The following KIAA1217 variants were observed in gnomAD, a reference collection of about 807,000 sequenced individuals.
KIAA1217 encodes the protein sickle tail protein homolog.
A neutral mutation model predicts 163.9 loss-of-function variants in KIAA1217; 88 were observed. That is an observed-to-expected ratio of 0.54 (90% CI 0.45 to 0.64). KIAA1217 has a LOEUF of 0.64. Ranked by LOEUF, KIAA1217 falls within the 30% of genes least tolerant of loss-of-function variation. The pLI is 0.00. For synonymous variants in KIAA1217, 903 were observed against 923.1 expected, an observed-to-expected ratio of 0.98 and a Z score of 0.39; for missense variants, 2,372 against 2,475.0, an observed-to-expected ratio of 0.96 and a Z score of 0.88.
chr10:23,841,876 A>C (rs902165876), intron 1 of KIAA1217, among the ~76,000 whole-genome samples: 3 of 129,040 alleles, frequency 2.3e-5, no homozygotes, highest in Non-Finnish European at 5.0e-5. Context: ...ATTTTATTTT[A>C]TTTTATTTTG....
At chr10:23,807,865 A>T (rs1056537004) in intron 1 of KIAA1217, among the ~76,000 whole-genome samples, 1 of 152,170 alleles carries the variant, frequency 6.6e-6, no homozygotes, top group East Asian at 1.9e-4. Context: ...AACTGCTGGC[A>T]ATTGGAGTTT....
At chr10:24,063,240 C>T (rs978206575) in intron 2 of KIAA1217, among the ~76,000 whole-genome samples, 51 of 152,068 alleles carry the variant, frequency 3.4e-4, no homozygotes, top group Non-Finnish European at 1.2e-4. Context: ...ATGGTATTGC[C>T]TAGGTTTTCT....
intron 1 of KIAA1217, among the ~76,000 whole-genome samples, chr10:23,767,262 G>C (rs141455181): frequency 6.6e-6 from 1 of 152,340 alleles, no homozygotes; most frequent in Admixed American, 6.5e-5. Flanking sequence ...TGCTCTGAAA[G>C]CTCTGGGGTA....
chr10:24,335,616 A>ATTTATTTATTTATT (rs1303896423), intron 2 of KIAA1217, among the ~76,000 whole-genome samples: 64 of 114,012 alleles, frequency 5.6e-4, no homozygotes, highest in African/African-American at 2.1e-3. Flanking sequence ...TTATTTATTT[A>ATTTATTTATTTATT]TTTATTTATT....
intron 2 of KIAA1217, among the ~76,000 whole-genome samples, chr10:24,039,138 T>A (rs1291961050): frequency 6.6e-6 from 1 of 152,020 alleles, no homozygotes; most frequent in East Asian, 1.9e-4. Context: ...ATATGCCAAT[T>A]TTTTTTAGAG....
chr10:24,368,816 C>G (rs754064671), intron 2 of KIAA1217: 41 of 981,732 alleles, frequency 4.2e-5, no homozygotes, highest in Non-Finnish European at 4.8e-5. Flanking sequence ...TCTAGAATCA[C>G]CCTACTGAGA....
chr10:23,796,562 C>A (rs1209380514), intron 1 of KIAA1217, among the ~76,000 whole-genome samples: 1 of 151,948 alleles, frequency 6.6e-6, no homozygotes, highest in Non-Finnish European at 1.5e-5. Flanking sequence ...GGGGTTTCAC[C>A]ATGTTGGCCA....
chr10:23,969,368 C>T (rs541361620), intron 1 of KIAA1217, among the ~76,000 whole-genome samples: 121 of 152,246 alleles, frequency 7.9e-4, no homozygotes, highest in African/African-American at 2.8e-3. Flanking sequence ...GAGGAAAGGC[C>T]AAACTGTTTT....
intron 1 of KIAA1217, among the ~76,000 whole-genome samples, chr10:23,707,948 G>C (rs1406317306): frequency 1.3e-5 from 2 of 152,170 alleles, no homozygotes; most frequent in African/African-American, 4.8e-5. Flanking sequence ...GGTCACAGAG[G>C]GAAGGAAGGG....
chr10:24,431,116 CCTTA>C (rs1423242537), intron 3 of KIAA1217, among the ~76,000 whole-genome samples: 2 of 152,132 alleles, frequency 1.3e-5, no homozygotes, highest in African/African-American at 2.4e-5. Context: ...TCTCTCATTC[CCTTA>C]CTTCTTTGAT....
intron 2 of KIAA1217, among the ~76,000 whole-genome samples, chr10:24,319,918 T>G (rs2043918694): frequency 6.6e-6 from 1 of 152,190 alleles, no homozygotes; most frequent in Non-Finnish European, 1.5e-5. Context: ...AACCCTACAT[T>G]CGGGAAAATG....
intron 2 of KIAA1217, among the ~76,000 whole-genome samples, chr10:24,273,621 G>A (rs568918325): frequency 2.0e-5 from 3 of 152,202 alleles, no homozygotes; most frequent in South Asian, 2.1e-4. Context: ...GGAGGCCAAG[G>A]TGGGTGGATC....
chr10:24,337,019 T>A (rs2046429081), intron 2 of KIAA1217, among the ~76,000 whole-genome samples: 1 of 152,300 alleles, frequency 6.6e-6, no homozygotes, highest in South Asian at 2.1e-4. Context: ...TTTATAGATA[T>A]GACAACAAAA....
intron 2 of KIAA1217, among the ~76,000 whole-genome samples, chr10:24,011,276 A>G (rs894273839): frequency 6.6e-6 from 1 of 152,144 alleles, no homozygotes; most frequent in Non-Finnish European, 1.5e-5. Context: ...TCTTGAGGCC[A>G]GGAGTTTGAG....
chr10:23,727,164 A>AT (rs1341458433), intron 1 of KIAA1217, among the ~76,000 whole-genome samples: 8 of 150,140 alleles, frequency 5.3e-5, no homozygotes, highest in South Asian at 2.1e-4. Context: ...CTTTTTTTGT[A>AT]TTTTTTTTAG....
intron 3 of KIAA1217, among the ~76,000 whole-genome samples, chr10:24,401,222 C>T (rs1395244626): frequency 1.3e-5 from 2 of 151,348 alleles, no homozygotes; most frequent in Non-Finnish European, 2.9e-5. Flanking sequence ...CAGCAAAATT[C>T]TTTATTTGAG....
intron 2 of KIAA1217, among the ~76,000 whole-genome samples, chr10:24,017,032 GT>G (rs1847508672): frequency 6.1e-5 from 6 of 98,260 alleles, no homozygotes; most frequent in East Asian, 2.4e-4. Context: ...TGGTTAGTTA[GT>G]TTTTTTGTTT....
intron 2 of KIAA1217, among the ~76,000 whole-genome samples, chr10:24,036,110 G>C (rs1848389052): frequency 6.6e-6 from 1 of 152,226 alleles, no homozygotes; most frequent in Non-Finnish European, 1.5e-5. Flanking sequence ...CCCAACAGCT[G>C]CCTCCTTCAC....
At chr10:24,177,258 CATATAT>C (rs1210930891) in intron 2 of KIAA1217, among the ~76,000 whole-genome samples, 988 of 25,128 alleles carry the variant, frequency 0.039, 19 homozygotes, top group Middle Eastern at 0.18. Context: ...CTCTCACCAT[CATATAT>C]ATATATATAT....
Sources: gnomAD v4.1 joint callset for allele counts (sites outside exome capture counted in the v4.1 genomes callset) on GRCh38, gnomAD v4.1.1 for gene constraint, MANE v1.5 for transcripts, NCBI Gene and HGNC (gene_info 2026-07-23, HGNC 2026-07-21) for gene names.